The following OPRM1 variants were observed in gnomAD, a reference collection of about 807,000 sequenced individuals.
OPRM1 encodes opioid receptor mu 1.
A neutral mutation model predicts 31.8 loss-of-function variants in OPRM1; 27 were observed. The observed-to-expected ratio is 0.85, with a 90% CI of 0.63 to 1.17. The LOEUF (loss-of-function observed/expected upper bound fraction) is 1.17. Ranked by LOEUF, OPRM1 falls within the 50% of genes most tolerant of loss-of-function variation. The pLI is 0.00. For synonymous variants in OPRM1, 196 were observed against 189.9 expected (o/e 1.03, Z -0.26); for missense variants, 536 against 511.1 (o/e 1.05, Z -0.47).
rs536310522 is a variant in OPRM1 at position 154,146,575 on chromosome 6, G to C, written c.1164+55103G>C. 9.9e-5 allele frequency among the ~76,000 whole-genome samples: 15 copies of C among 152,272 alleles called. No individual in the cohort carries two copies. In the South Asian group the frequency reaches 3.1e-3, roughly 32 times the overall value. The stretch of plus-strand genomic sequence containing the variant: ...TTGAAAATATGTTGTGTGATTGCTG[G>C]TGAATGATTCTGATATTCACTCATA... On this transcript the variant is annotated intron_variant, in intron 3 of 3. Coordinates refer to the OPRM1 transcript ENST00000337049.
intron 3 of OPRM1, among the ~76,000 whole-genome samples, chr6:154,205,117 C>T (rs911716238): frequency 1.3e-5 from 2 of 152,208 alleles, no homozygotes; most frequent in African/African-American, 2.4e-5. Context: ...CTCCCAACCC[C>T]TGGCCACTCC....
chr6:154,117,858 G>GTGTGTGTGTGTGT (rs141088671), intron 3 of OPRM1, among the ~76,000 whole-genome samples: 1 of 145,562 alleles, frequency 6.9e-6, no homozygotes, highest in Non-Finnish European at 1.5e-5. Flanking sequence ...TTAAAAAGAT[G>GTGTGTGTGTGTGT]GTGTGTGTGT....
chr6:154,106,214 C>G (rs1312091657), intron 3 of OPRM1, among the ~76,000 whole-genome samples: 1 of 152,186 alleles, frequency 6.6e-6, no homozygotes, highest in Non-Finnish European at 1.5e-5. Flanking sequence ...ACCAAAAACA[C>G]ATTTTACTTT....
intron 3 of OPRM1, among the ~76,000 whole-genome samples, chr6:154,110,077 G>C (rs1257844261): frequency 2.0e-5 from 3 of 152,084 alleles, no homozygotes; most frequent in Non-Finnish European, 2.9e-5. Context: ...TCCTAAAATT[G>C]ATTGTTGAAC....
chr6:154,219,128 G>C (rs1030407868), intron 3 of OPRM1: 20 of 152,330 alleles, frequency 1.3e-4, no homozygotes, highest in Admixed American at 1.2e-3. Context: ...GGGGCGGTGA[G>C]GAGGGGGATC....
rs527926961 is a variant in OPRM1, at chr6:154,061,942, A to T, written c.290+22108A>T. Among the ~76,000 whole-genome samples the T allele has an allele frequency of 3.3e-5, 5 of 152,316 alleles. No individual in the cohort carries two copies. In the South Asian group the frequency reaches 1.0e-3, roughly 32 times the overall value. ...AATGCGTTCTATGAAAATTAAAAAC[A>T]TGCCCATAATTCTTAAGATGCTTTA... On this transcript the variant is annotated intron_variant, in intron 1 of 3. Transcript: ENST00000330432.
chr6:154,104,913 C>T (rs1233131233), intron 3 of OPRM1, among the ~76,000 whole-genome samples: 3 of 152,228 alleles, frequency 2.0e-5, no homozygotes, highest in African/African-American at 7.2e-5. Flanking sequence ...AAAGTAACTT[C>T]AGTCTTCTGG....
intron 1 of OPRM1, among the ~76,000 whole-genome samples, chr6:154,047,786 C>T (rs1427421633): frequency 3.3e-5 from 5 of 152,114 alleles, no homozygotes; most frequent in Admixed American, 6.5e-5. Context: ...TAGGTGTCTT[C>T]GTGTGTTCAG....
At chr6:154,027,843 G>A (rs60509363) in intron 1 of OPRM1, among the ~76,000 whole-genome samples, 18,564 of 152,154 alleles carry the variant, frequency 0.12, 2,348 homozygotes, top group African/African-American at 0.32. Context: ...CTTGTCATGA[G>A]TGCTACCTTG....
chr6:154,119,446 A>G lies in OPRM1; in HGVS notation c.*725A>G, dbSNP rs17181352. On this transcript the variant is annotated 3_prime_UTR_variant, in exon 4 of 4. Transcript: ENST00000330432. ...GGGGATTTTTCATTCTTAGGCTTTCAGTGGTTTGTTCCTCAGTTTTAAATG... is the reference window on the plus strand; with the variant it reads ...GGGGATTTTTCATTCTTAGGCTTTCGGTGGTTTGTTCCTCAGTTTTAAATG... 3.0e-4 allele frequency: 294 copies of G among 985,388 alleles called. 3 individuals carry two copies. In the East Asian group the frequency reaches 0.025, roughly 83 times the overall value. The allele number at this position is 985,388 out of a possible 1,614,324, so 61.0% of individuals were successfully genotyped here.
intron 1 of OPRM1, among the ~76,000 whole-genome samples, chr6:154,011,703 C>T (rs554862752): frequency 6.6e-6 from 1 of 152,076 alleles, no homozygotes; most frequent in African/African-American, 2.4e-5. Context: ...TATTTTAGAA[C>T]ATTTCCTCTT....
chr6:154,095,698 C>T (rs1793244254), intron 3 of OPRM1, among the ~76,000 whole-genome samples: 1 of 152,096 alleles, frequency 6.6e-6, no homozygotes, highest in Non-Finnish European at 1.5e-5. Context: ...AAGATGGTCT[C>T]GTGTTTTTTT....
At chr6:154,067,754 G>C (rs1785757391) in intron 1 of OPRM1, among the ~76,000 whole-genome samples, 1 of 151,754 alleles carries the variant, frequency 6.6e-6, no homozygotes, top group African/African-American at 2.4e-5. Context: ...TAAGATATTG[G>C]CACTACCTCC....
chr6:154,223,076 T>C (rs1583839377), intron 3 of OPRM1: 1 of 977,406 alleles, frequency 1.0e-6, no homozygotes, highest in Middle Eastern at 2.1e-4. Flanking sequence ...CGATGTTACC[T>C]TCACTCACTT....
At chr6:154,186,000 C>G (rs952310263) in intron 3 of OPRM1, among the ~76,000 whole-genome samples, 1 of 152,214 alleles carries the variant, frequency 6.6e-6, no homozygotes, top group Admixed American at 6.5e-5. Flanking sequence ...TGCTTGTGTT[C>G]TTTGCGGCCT....
Position 154,089,830 on chromosome 6 carries a change from A to G in OPRM1, c.295A>G (p.Thr99Ala), listed in dbSNP as rs774733136. ...FLVMYVIVRY[T>A]KMKTATNIYI... The stretch of plus-strand genomic sequence containing the variant: ...TCTTCTTCCTTTATCTCCTAGATAC[A>G]CCAAGATGAAGACTGCCACCAACAT... The change falls in exon 2 of 4, where the codon ACC (threonine) becomes GCC (alanine). Residue 99 changes from threonine (T) to alanine (A), a missense_variant. Physicochemically the swap from Thr to Ala is moderately conservative, Grantham distance 58. Transcript: ENST00000330432. The G allele has an allele frequency of 3.7e-6, 6 of 1,609,440 alleles. No individual in the cohort carries two copies. Among genetic ancestry groups the G allele is most frequent in the Non-Finnish European group, 5.1e-6 (6 of 1,176,864 alleles).
intron 3 of OPRM1, among the ~76,000 whole-genome samples, chr6:154,209,650 A>G (rs1242923508): frequency 1.3e-5 from 2 of 151,890 alleles, no homozygotes; most frequent in African/African-American, 2.4e-5. Flanking sequence ...TCTCAAAAAA[A>G]AAAAAAAAAA....
intron 3 of OPRM1, among the ~76,000 whole-genome samples, chr6:154,199,147 G>A (rs1353259798): frequency 1.3e-5 from 2 of 152,154 alleles, no homozygotes; most frequent in Non-Finnish European, 2.9e-5. Context: ...ATATGTAAAG[G>A]TTCTAATGCT....
chr6:154,124,854 C>T lies in OPRM1; in HGVS notation c.*6133C>T, dbSNP rs1325875217. ...TATTTGCCAACACACCTTGCTGCTA[C>T]TTAGAGAAAGTAGTTCACCTCACTA... On this transcript the variant is annotated 3_prime_UTR_variant, in exon 4 of 4. Coordinates refer to ENST00000330432, the MANE Select transcript of OPRM1 (RefSeq NM_000914.5). Among the ~76,000 whole-genome samples the T allele has an allele frequency of 1.3e-5, 2 of 152,218 alleles. No individual in the cohort carries two copies. The highest frequency in any genetic ancestry group is 2.1e-4 in the South Asian group (1 of 4,836).
Sources: gnomAD v4.1 joint callset for allele counts (sites outside exome capture counted in the v4.1 genomes callset) on GRCh38, gnomAD v4.1.1 for gene constraint, MANE v1.5 for transcripts, NCBI Gene and HGNC (gene_info 2026-07-23, HGNC 2026-07-21) for gene names.